The following TPR variants were observed in gnomAD, a reference collection of about 807,000 sequenced individuals.
TPR encodes the protein translocated promoter region, nuclear basket protein.
In TPR, 51 loss-of-function variants were observed where a neutral mutation model predicts 316.1. The observed-to-expected ratio is 0.16, with a 90% CI of 0.13 to 0.20. The LOEUF (loss-of-function observed/expected upper bound fraction) is 0.20, where lower values mean the gene tolerates loss of function less well. Among genes scored for constraint, TPR ranks in the 10% least tolerant of loss-of-function variants. The pLI is 1.00. For synonymous variants in TPR, 981 were observed against 914.7 expected, an observed-to-expected ratio of 1.07 and a Z score of -1.31; for missense variants, 2,272 against 2,754.8, an observed-to-expected ratio of 0.82 and a Z score of 3.92.
At chr1:186,372,110 C>T (rs1156686093) in intron 2 of TPR, among the ~76,000 whole-genome samples, 2 of 152,042 alleles carry the variant, frequency 1.3e-5, no homozygotes, top group Non-Finnish European at 2.9e-5. Flanking sequence ...ATGAGGTGTA[C>T]CAAAAGTAGC....
chr1:186,335,259 G>T, intron 34 of TPR, 79 bp downstream of exon 34: 1 of 1,559,812 alleles, frequency 6.4e-7, no homozygotes, highest in Non-Finnish European at 8.7e-7. Context: ...ACTGACAAAG[G>T]CTCCTATATC....
At position 186,312,705 on chromosome 1, in the gene TPR, G is replaced by T; in HGVS notation, c.*1266C>A. 6.5e-7 allele frequency: 1 copy of T among 1,532,094 alleles called. No individual in the cohort carries two copies. The highest frequency in any genetic ancestry group is 9.0e-7 in the Non-Finnish European group (1 of 1,106,744). 94.9% of individuals were successfully genotyped at this position (1,532,094 alleles called of 1,614,324 possible). ...ACTGAGATTAAAACTCAGATGTCTG[G>T]CTCTTTCCAAGATAGTACATTGCCT... On this transcript the variant is annotated 3_prime_UTR_variant, in exon 51 of 51. Transcript: ENST00000367478.
chr1:186,354,706 C>T (rs192037112), intron 17 of TPR, among the ~76,000 whole-genome samples: 8 of 152,052 alleles, frequency 5.3e-5, no homozygotes, highest in Admixed American at 1.3e-4. Flanking sequence ...TGGATGTGAC[C>T]AAGAAAATTA....
intron 27 of TPR, 101 bp downstream of exon 27, chr1:186,343,225 T>C (rs1658562822): frequency 7.0e-7 from 1 of 1,420,468 alleles, no homozygotes; most frequent in African/African-American, 1.4e-5. Context: ...AGAAGAATGC[T>C]TACTTCAAGT....
chr1:186,316,092 A>G (rs1394500419), intron 49 of TPR, among the ~76,000 whole-genome samples: 1 of 151,906 alleles, frequency 6.6e-6, no homozygotes, highest in Non-Finnish European at 1.5e-5. Flanking sequence ...GGAAACAACC[A>G]TATTTTCTCA....
chr1:186,355,677 A>C lies in TPR; in HGVS notation c.1980T>G (p.Ile660Met). The C allele has an allele frequency of 6.2e-7, 1 of 1,614,122 alleles. No homozygotes were observed. Reference protein sequence around the residue: ...TVSTPAPVPVIESTEAIEAKA... With the variant: ...TVSTPAPVPVMESTEAIEAKA... ...TAGCCTCTATAGCCTCTGTTGATTC[A>C]ATAACAGGTACTGGAGCAGGAGTGG... The change falls in exon 16 of 51, where the codon ATT becomes ATG. Residue 660 changes from isoleucine (I) to methionine (M), a missense_variant. By Grantham distance (10) the Ile-to-Met change is conservative. Transcript: ENST00000367478.
intron 13 of TPR, 95 bp downstream of exon 13, chr1:186,358,448 C>T: frequency 1.2e-6 from 1 of 858,602 alleles, no homozygotes; most frequent in East Asian, 2.6e-5. Flanking sequence ...GAATTTCATA[C>T]ATGGTAGTTC....
chr1:186,336,406 G>T, intron 33 of TPR, 90 bp downstream of exon 33: 2 of 1,242,710 alleles, frequency 1.6e-6, no homozygotes, highest in Middle Eastern at 2.3e-4. Flanking sequence ...TTCATAAGTA[G>T]ATACCTTTTA....
At chr1:186,329,038 T>C (rs1658078814) in intron 39 of TPR, among the ~76,000 whole-genome samples, 1 of 152,210 alleles carries the variant, frequency 6.6e-6, no homozygotes, top group Non-Finnish European at 1.5e-5. Context: ...GTGACATGCT[T>C]ATTTCAGAAA....
At chr1:186,317,392 A>G (rs1057134886) in intron 49 of TPR, 90 bp downstream of exon 49, 324 of 995,954 alleles carry the variant, frequency 3.3e-4, no homozygotes, top group Non-Finnish European at 4.8e-4. Flanking sequence ...ACAGGAAAAA[A>G]GGATTATTAA....
chr1:186,362,906 C>T lies in TPR; in HGVS notation c.627G>A (p.Leu209=). 1 of 1,611,378 alleles carries T rather than the reference C, an allele frequency of 6.2e-7. No individual in the cohort carries two copies. Among genetic ancestry groups the T allele is most frequent in the Non-Finnish European group, 8.5e-7 (1 of 1,178,882 alleles). The change falls in exon 6 of 51, where the codon CTG becomes CTA. Residue 209 remains leucine, a synonymous_variant. Transcript: ENST00000367478. The part of the protein sequence containing the change: ...TELKTKTDEL[L]ALGREKGNEI... ...CATTCCCTTTTTCTCTTCCAAGAGC[C>T]AGAAGTTCATCAGTTTTGGTTTTCA...
Position 186,323,586 on chromosome 1 carries a change from T to G in TPR, c.6297+100A>C, listed in dbSNP as rs187791190. On this transcript the variant is annotated intron_variant, in intron 43 of 50. Transcript: ENST00000367478. Reference sequence around the variant, plus strand: ...CCAAAAAGTTCATGGGATTGCTAATTTAAAAAAACCAAGAGAGAGAGAGAA... The same window carrying G: ...CCAAAAAGTTCATGGGATTGCTAATGTAAAAAAACCAAGAGAGAGAGAGAA... 2.6e-4 allele frequency: 316 copies of G among 1,205,776 alleles called. 3 individuals are homozygous for G. The Admixed American group carries it at 0.01, about 39-fold the overall frequency. The allele number at this position is 1,205,776 out of a possible 1,614,324, so 74.7% of individuals were successfully genotyped here. A position where few individuals can be genotyped will look rare whatever the true frequency, so the allele number is the denominator to read the frequency against.
chr1:186,339,468 A>G (rs1165241511), intron 30 of TPR, among the ~76,000 whole-genome samples, 174 bp downstream of exon 30: 1 of 152,314 alleles, frequency 6.6e-6, no homozygotes, highest in South Asian at 2.1e-4. Context: ...TTATATACAA[A>G]GGCATAATAT....
chr1:186,368,045 G>C, intron 3 of TPR, 63 bp from the exon 4 acceptor site: 1 of 1,197,640 alleles, frequency 8.3e-7, no homozygotes, highest in Non-Finnish European at 1.2e-6. Flanking sequence ...AGCGAACATA[G>C]AATTGTCACT....
At chr1:186,349,187 A>G (rs967539879) in intron 21 of TPR, among the ~76,000 whole-genome samples, 2 of 152,216 alleles carry the variant, frequency 1.3e-5, no homozygotes, top group African/African-American at 4.8e-5. Flanking sequence ...AAAATCATCT[A>G]ACACAAAGCC....
rs754485464 is a variant in TPR, at chr1:186,326,141, G to C, written c.5984C>G (p.Ala1995Gly). Residue 1995 changes from alanine to glycine, a missense_variant, in exon 41 of 51, where the codon GCC (alanine) becomes GGC (glycine). This residue lies in a region of TPR where 435 missense variants were observed against 461.1 expected (regional missense o/e 0.94). Coordinates refer to ENST00000367478, the MANE Select transcript of TPR (RefSeq NM_003292.3). Reference protein sequence around the residue: ...GEDSNEGTGSADGNDGYEADD... With the variant: ...GEDSNEGTGSGDGNDGYEADD... ...AGCTTCATAACCATCATTGCCATCG[G>C]CACTACCAGTTCCTTCATTACTATC... is the stretch of plus-strand genomic sequence containing the variant. The C allele has an allele frequency of 7.4e-6, 12 of 1,612,972 alleles. 1 individual carries two copies. The South Asian group carries it at 1.3e-4, about 18-fold the overall frequency.
chr1:186,366,829 C>A (rs1234692163), intron 4 of TPR, among the ~76,000 whole-genome samples: 1 of 150,400 alleles, frequency 6.6e-6, no homozygotes, highest in Non-Finnish European at 1.5e-5. Flanking sequence ...ATGGAATACA[C>A]ATTTTTAAAA....
chr1:186,374,028 G>A (rs1000169648), intron 1 of TPR, among the ~76,000 whole-genome samples: 2 of 152,192 alleles, frequency 1.3e-5, no homozygotes, highest in East Asian at 3.9e-4. Context: ...ACTATACTCA[G>A]CTCTGGGATC....
rs930826207 is a variant in TPR at position 186,367,888 on chromosome 1, G to C, written c.425C>G (p.Thr142Arg). 1.2e-6 allele frequency: 2 copies of C among 1,602,168 alleles called. No individual in the cohort carries two copies. Among genetic ancestry groups the C allele is most frequent in the African/African-American group, 1.3e-5 (1 of 74,726 alleles). Residue 142 changes from threonine (T) to arginine (R), a missense_variant and splice_region_variant, in exon 4 of 51, where the codon ACA becomes AGA. Around this residue, in one of 10 missense-constraint regions of TPR, gnomAD observed 549 missense variants for 598.6 expected, o/e 0.92. Coordinates refer to ENST00000367478, the MANE Select transcript of TPR (RefSeq NM_003292.3). ...AAGCTACAAGCACTTCTTCATACCTGTTAAGTATTCAAGTTCTTGAGATAG... is the reference window on the plus strand; with the variant it reads ...AAGCTACAAGCACTTCTTCATACCTCTTAAGTATTCAAGTTCTTGAGATAG... ...ERLSQELEYLTEDVKRLNEKL... is the reference protein window; with the variant it reads ...ERLSQELEYLREDVKRLNEKL...
Sources: allele counts gnomAD v4.1 joint callset (sites outside exome capture counted in the v4.1 genomes callset), GRCh38; gene constraint gnomAD v4.1.1; regional missense constraint gnomAD v4.1.1; transcripts MANE v1.5; gene names NCBI Gene and HGNC (gene_info 2026-07-23, HGNC 2026-07-21).